Variants in RPTOR observed in about 807,000 individuals in gnomAD.
RPTOR encodes regulatory-associated protein of mTOR.
Under a neutral mutation model 169.9 loss-of-function variants are expected in RPTOR, and 21 were observed. That is an observed-to-expected ratio of 0.12 (90% CI 0.09 to 0.18). The LOEUF (loss-of-function observed/expected upper bound fraction) is 0.18. Ranked by LOEUF, RPTOR falls within the 10% of genes least tolerant of loss-of-function variation. RPTOR has a pLI of 1.00. For synonymous variants in RPTOR, 732 were observed against 753.2 expected (o/e 0.97, Z 0.46); for missense variants, 1,133 against 1,855.9 (o/e 0.61, Z 7.16).
intron 5 of RPTOR, among the ~76,000 whole-genome samples, chr17:80,753,116 A>G (rs1267197318): frequency 6.6e-6 from 1 of 152,192 alleles, no homozygotes; most frequent in African/African-American, 2.4e-5. Flanking sequence ...ACATTTAGAG[A>G]AATCCGATGA....
At chr17:80,841,709 C>T (rs1268173013) in intron 10 of RPTOR, among the ~76,000 whole-genome samples, 4 of 140,832 alleles carry the variant, frequency 2.8e-5, no homozygotes, top group Non-Finnish European at 6.1e-5. Context: ...TCTCACCGCA[C>T]GGCAGCTCAC....
intron 2 of RPTOR, among the ~76,000 whole-genome samples, chr17:80,635,391 G>C (rs985656950): frequency 2.6e-5 from 4 of 152,212 alleles, no homozygotes; most frequent in African/African-American, 9.7e-5. Context: ...GATTGTTGAA[G>C]AAGGGATTTT....
chr17:80,820,559 A>G lies in RPTOR; in HGVS notation c.891-1642A>G, dbSNP rs2067368797. ...TTTGGGAGGTGTGCCCCACCCTCAC[A>G]TTCCTCCGTGGGGCCAAGCTCTGTC... On this transcript the variant is annotated intron_variant, in intron 7 of 33. Transcript: ENST00000306801. This position sits in a 1 kb window ranked among gnomAD's most constrained non-coding sequence, Gnocchi z 4.1. Among the ~76,000 whole-genome samples the G allele has an allele frequency of 6.6e-6, 1 of 152,048 alleles. No homozygotes were observed. Among genetic ancestry groups the G allele is most frequent in the Admixed American group, 6.5e-5 (1 of 15,268 alleles).
intron 24 of RPTOR, among the ~76,000 whole-genome samples, chr17:80,925,785 C>T (rs1016788689): frequency 1.3e-5 from 2 of 152,240 alleles, no homozygotes; most frequent in African/African-American, 4.8e-5. Flanking sequence ...GAGGCCCATC[C>T]CAAGGCCACG....
intron 7 of RPTOR, among the ~76,000 whole-genome samples, chr17:80,791,908 C>A (rs1336201020): frequency 2.0e-5 from 3 of 152,040 alleles, no homozygotes; most frequent in Non-Finnish European, 4.4e-5. Flanking sequence ...TCCATCCCCT[C>A]CCCCCCTGTC....
At chr17:80,828,003 C>T (rs1003308801) in intron 9 of RPTOR, among the ~76,000 whole-genome samples, 3 of 152,172 alleles carry the variant, frequency 2.0e-5, no homozygotes, top group Non-Finnish European at 2.9e-5. Context: ...GACTTAGCGG[C>T]GTACGTGCTG....
At chr17:80,745,457 T>G (rs2066563007) in intron 5 of RPTOR, among the ~76,000 whole-genome samples, 1 of 152,228 alleles carries the variant, frequency 6.6e-6, no homozygotes. Context: ...TAGGCGCAAC[T>G]TGGTTTTTAA....
chr17:80,847,710 T>C (rs781356452), intron 11 of RPTOR, among the ~76,000 whole-genome samples: 8 of 152,114 alleles, frequency 5.3e-5, no homozygotes, highest in Non-Finnish European at 1.0e-4. Flanking sequence ...CAGAGTTGGG[T>C]CCTCGCCTTC....
chr17:80,650,818 C>G (rs1023885036), intron 3 of RPTOR, among the ~76,000 whole-genome samples: 1 of 152,162 alleles, frequency 6.6e-6, no homozygotes, highest in African/African-American at 2.4e-5. Context: ...AAGCCCCTCC[C>G]CATCCTGCCT....
intron 6 of RPTOR, among the ~76,000 whole-genome samples, chr17:80,783,179 C>T (rs868343974): frequency 4.6e-5 from 7 of 152,332 alleles, no homozygotes; most frequent in South Asian, 4.1e-4. Context: ...TGGCATTCTT[C>T]GAAAATAGAA....
intron 24 of RPTOR, among the ~76,000 whole-genome samples, chr17:80,925,890 C>T (rs989720293): frequency 6.6e-6 from 1 of 152,248 alleles, no homozygotes; most frequent in Non-Finnish European, 1.5e-5. Context: ...ATCTCTGAGG[C>T]TCAACCCTGA....
chr17:80,893,896 G>T, intron 20 of RPTOR, 31 bp downstream of exon 20: 2 of 1,505,122 alleles, frequency 1.3e-6, no homozygotes, highest in Non-Finnish European at 1.8e-6. Context: ...CTGCTTCCGA[G>T]GGGCCCCGAG....
At chr17:80,789,111 A>G (rs538676904) in intron 6 of RPTOR, among the ~76,000 whole-genome samples, 1 of 152,358 alleles carries the variant, frequency 6.6e-6, no homozygotes, top group Admixed American at 6.5e-5. Flanking sequence ...CACTGAATTT[A>G]TAATATGCTT....
intron 3 of RPTOR, among the ~76,000 whole-genome samples, chr17:80,701,324 G>T (rs901920801): frequency 6.6e-6 from 1 of 152,200 alleles, no homozygotes; most frequent in East Asian, 1.9e-4. Context: ...AGACCATAAT[G>T]CTCATTCCAT....
intron 4 of RPTOR, among the ~76,000 whole-genome samples, chr17:80,713,366 G>T (rs989192597): frequency 2.0e-5 from 3 of 152,204 alleles, no homozygotes; most frequent in Non-Finnish European, 2.9e-5. Flanking sequence ...TTCTTTATCA[G>T]ATATGTGTTT....
rs763624128 is a variant in RPTOR at position 80,960,199 on chromosome 17, G to A, written c.3599G>A (p.Ser1200Asn). ...GTCTACGACAGAAGGATGGCACTCAGCGAATGGTACCTTGACCCTGTCCTC... is the reference window on the plus strand; with the variant it reads ...GTCTACGACAGAAGGATGGCACTCAACGAATGGTACCTTGACCCTGTCCTC... ...IRVYDRRMAL[S>N]ECRVMTYREH... Residue 1200 changes from serine (S) to asparagine (N), a missense_variant, in exon 30 of 34, where the codon AGC (serine) becomes AAC (asparagine). Coordinates refer to ENST00000306801, the MANE Select transcript of RPTOR (RefSeq NM_020761.3). This position sits in a 1 kb window ranked among gnomAD's most constrained non-coding sequence, Gnocchi z 4.8. 2 of 1,613,506 alleles carry A rather than the reference G, an allele frequency of 1.2e-6. No individual in the cohort carries two copies. Among genetic ancestry groups the A allele is most frequent in the Non-Finnish European group, 8.5e-7 (1 of 1,180,002 alleles).
At chr17:80,550,998 G>A (rs893023828) in intron 1 of RPTOR, among the ~76,000 whole-genome samples, 1 of 152,060 alleles carries the variant, frequency 6.6e-6, no homozygotes, top group South Asian at 2.1e-4. Context: ...AGAGATTCTC[G>A]TGCCTCAGTC....
At chr17:80,563,219 T>A (rs202218153) in intron 1 of RPTOR, among the ~76,000 whole-genome samples, 1 of 76,840 alleles carries the variant, frequency 1.3e-5, no homozygotes, top group Non-Finnish European at 2.8e-5. Flanking sequence ...GAAGAGTTTT[T>A]TTTTTTAATT....
intron 7 of RPTOR, among the ~76,000 whole-genome samples, chr17:80,796,991 G>A (rs375552326): frequency 1.2e-4 from 18 of 152,206 alleles, no homozygotes; most frequent in Non-Finnish European, 1.9e-4. Flanking sequence ...CCAAGTGGAC[G>A]TCAGTTTTTA....
Sources: allele counts gnomAD v4.1 joint callset (sites outside exome capture counted in the v4.1 genomes callset), GRCh38; gene constraint gnomAD v4.1.1; non-coding constraint Gnocchi (gnomAD v3.1); transcripts MANE v1.5; gene names NCBI Gene and HGNC (gene_info 2026-07-23, HGNC 2026-07-21).